The following HSPBAP1 variants were observed in gnomAD, a reference collection of about 807,000 sequenced individuals.
HSPBAP1 encodes HSPB1-associated protein 1.
In HSPBAP1, 27 loss-of-function variants were observed where a neutral mutation model predicts 45.2. The observed-to-expected ratio is 0.60, with a 90% confidence interval of 0.44 to 0.82. The LOEUF (loss-of-function observed/expected upper bound fraction) is 0.82. Ranked by LOEUF, HSPBAP1 falls within the 40% of genes least tolerant of loss-of-function variation. The pLI is 0.00. For missense variants in HSPBAP1, 510 were observed against 590.9 expected (o/e 0.86, Z 1.42); for synonymous variants, 204 against 202.7 (o/e 1.01, Z -0.06).
intron 5 of HSPBAP1, chr3:122,753,466 C>T (rs934193140): frequency 5.1e-6 from 5 of 981,370 alleles, no homozygotes; most frequent in Non-Finnish European, 3.6e-6. Flanking sequence ...ATAGTGGTAT[C>T]GAGAGAGTCT....
chr3:122,748,919 T>C (rs1012344952), intron 6 of HSPBAP1, among the ~76,000 whole-genome samples: 1 of 152,152 alleles, frequency 6.6e-6, no homozygotes, highest in Non-Finnish European at 1.5e-5. Context: ...AAAATATGAA[T>C]ATTTCTCTGT....
intron 3 of HSPBAP1, among the ~76,000 whole-genome samples, chr3:122,768,004 C>T (rs575329346): frequency 5.9e-5 from 9 of 152,232 alleles, no homozygotes; most frequent in Middle Eastern, 3.4e-3. Flanking sequence ...CTGCCCCACA[C>T]CTAAGACACA....
chr3:122,772,470 G>A (rs769463507), intron 2 of HSPBAP1, among the ~76,000 whole-genome samples: 2 of 152,048 alleles, frequency 1.3e-5, no homozygotes, highest in South Asian at 2.1e-4. Context: ...CCCAAAAACC[G>A]ATGCTGGAAT....
intron 2 of HSPBAP1, among the ~76,000 whole-genome samples, chr3:122,769,772 C>T (rs1934921638): frequency 6.6e-6 from 1 of 152,188 alleles, no homozygotes; most frequent in South Asian, 2.1e-4. Flanking sequence ...TTCTGCCTCC[C>T]GAGTTCAAGC....
intron 6 of HSPBAP1, among the ~76,000 whole-genome samples, chr3:122,743,396 G>A (rs999558218): frequency 9.2e-5 from 14 of 152,026 alleles, no homozygotes; most frequent in South Asian, 2.1e-4. Context: ...GAGAAACCCC[G>A]TCTCTACTAA....
rs748458045 is a variant in HSPBAP1 at position 122,793,769 on chromosome 3, C to T, written c.-89G>A. The stretch of plus-strand genomic sequence containing the variant: ...AGGGGCCAAACTCCGAGACCCGAAG[C>T]TGCACCACAGGAAGGAGCCCCGGCG... On this transcript the variant is annotated 5_prime_UTR_variant, in exon 1 of 8. Coordinates refer to ENST00000306103, the MANE Select transcript of HSPBAP1 (RefSeq NM_024610.6). The T allele has an allele frequency of 1.8e-5, 23 of 1,260,352 alleles. No homozygotes were observed. The highest frequency in any genetic ancestry group is 2.5e-5 in the Non-Finnish European group (22 of 874,934). The allele number at this position is 1,260,352 out of a possible 1,614,324, so 78.1% of individuals were successfully genotyped here.
At chr3:122,769,673 A>AT (rs1934916823) in intron 2 of HSPBAP1, among the ~76,000 whole-genome samples, 1 of 151,948 alleles carries the variant, frequency 6.6e-6, no homozygotes, top group African/African-American at 2.4e-5. Context: ...GTTCGCCACT[A>AT]TTTTTTTATT....
At chr3:122,759,861 G>A (rs560644598) in intron 3 of HSPBAP1, among the ~76,000 whole-genome samples, 14 of 152,228 alleles carry the variant, frequency 9.2e-5, no homozygotes, top group African/African-American at 3.1e-4. Context: ...GTGTACATAC[G>A]CAACTTACTA....
At chr3:122,770,544 C>CAA (rs1934957925) in intron 2 of HSPBAP1, among the ~76,000 whole-genome samples, 1 of 151,834 alleles carries the variant, frequency 6.6e-6, no homozygotes, top group South Asian at 2.1e-4. Flanking sequence ...ACAAAAAATA[C>CAA]AAAAAAATTA....
intron 4 of HSPBAP1, among the ~76,000 whole-genome samples, 186 bp from the exon 5 acceptor site, chr3:122,755,617 T>G (rs2107509043): frequency 6.6e-6 from 1 of 151,232 alleles, no homozygotes; most frequent in African/African-American, 2.4e-5. Flanking sequence ...AGATACCGGG[T>G]GGAAGGTTGT....
At chr3:122,755,133 G>C (rs1215587641) in intron 5 of HSPBAP1, 127 bp downstream of exon 5, 2 of 1,192,620 alleles carry the variant, frequency 1.7e-6, no homozygotes, top group Admixed American at 3.8e-5. Flanking sequence ...TCCAACAGCA[G>C]AGCAGAGGGA....
rs573239360 is a variant in HSPBAP1 at position 122,749,672 on chromosome 3, G to A, written c.825+2919C>T. On this transcript the variant is annotated intron_variant, in intron 6 of 7. Transcript: ENST00000306103. ...TCACCAGGCTAGAGTGCAATGGCGC[G>A]ATCTCAGCTCACTGCAACCTCCACC... is the stretch of plus-strand genomic sequence containing the variant. Among the ~76,000 whole-genome samples the A allele has an allele frequency of 1.4e-4, 21 of 152,188 alleles. No homozygotes were observed. In the South Asian group the frequency reaches 3.7e-3, roughly 27 times the overall value.
chr3:122,762,457 G>C (rs542493540), intron 3 of HSPBAP1, among the ~76,000 whole-genome samples: 1 of 152,152 alleles, frequency 6.6e-6, no homozygotes, highest in South Asian at 2.1e-4. Flanking sequence ...TACCATTAAT[G>C]CACTGTCAGA....
chr3:122,784,245 GT>G (rs1340710377), intron 1 of HSPBAP1, among the ~76,000 whole-genome samples: 2 of 152,120 alleles, frequency 1.3e-5, no homozygotes, highest in Non-Finnish European at 2.9e-5. Flanking sequence ...ATAGTATTCT[GT>G]TTTTCATGGG....
chr3:122,785,118 G>A (rs996685122), intron 1 of HSPBAP1, among the ~76,000 whole-genome samples: 4 of 152,130 alleles, frequency 2.6e-5, no homozygotes, highest in Non-Finnish European at 5.9e-5. Context: ...TAAAAACTCA[G>A]AAGAAAAAAT....
chr3:122,786,464 C>T (rs1249249515), intron 1 of HSPBAP1: 1 of 152,148 alleles, frequency 6.6e-6, no homozygotes, highest in Non-Finnish European at 1.5e-5. Context: ...ATGGTTCATA[C>T]TTGGGTAGAT....
chr3:122,740,242 A>G lies in HSPBAP1; in HGVS notation c.*103T>C. 1 of 683,638 alleles carries G rather than the reference A, an allele frequency of 1.5e-6. No homozygotes were observed. The highest frequency in any genetic ancestry group is 3.2e-5 in the South Asian group (1 of 30,878). 42.3% of individuals were successfully genotyped at this position (683,638 alleles called of 1,614,324 possible). ...ATTCGGTAAGGATAAATACATTTAC[A>G]AATGTGCAAACTGACCTTTTGCTGG... On this transcript the variant is annotated 3_prime_UTR_variant, in exon 8 of 8. Coordinates refer to ENST00000306103, the MANE Select transcript of HSPBAP1 (RefSeq NM_024610.6).
intron 3 of HSPBAP1, among the ~76,000 whole-genome samples, chr3:122,765,579 T>C (rs529111414): frequency 1.7e-5 from 2 of 117,636 alleles, no homozygotes; most frequent in African/African-American, 7.2e-5. Flanking sequence ...AGACTCTGTC[T>C]CAAAAAAAAA....
intron 4 of HSPBAP1, 35 bp from the exon 5 acceptor site, chr3:122,755,466 T>C (rs1458304210): frequency 2.2e-6 from 3 of 1,345,060 alleles, no homozygotes; most frequent in Non-Finnish European, 3.0e-6. Flanking sequence ...TACAAGTTAG[T>C]ACTCTGACCT....
Sources: allele counts gnomAD v4.1 joint callset (sites outside exome capture counted in the v4.1 genomes callset), GRCh38; gene constraint gnomAD v4.1.1; transcripts MANE v1.5; gene names NCBI Gene and HGNC (gene_info 2026-07-23, HGNC 2026-07-21).